C1QTNF3: variants seen among roughly 807,000 people sequenced by gnomAD.
The protein encoded by C1QTNF3 is C1q and TNF related 3.
A neutral mutation model predicts 32.6 loss-of-function variants in C1QTNF3; 26 were observed. That is an observed-to-expected ratio of 0.80 (90% CI 0.58 to 1.11). The LOEUF (loss-of-function observed/expected upper bound fraction) is 1.11, where lower values mean the gene tolerates loss of function less well. C1QTNF3 is among the 50% of genes least tolerant of loss of function. The pLI is 0.00. For synonymous variants in C1QTNF3, 155 were observed against 146.0 expected, an observed-to-expected ratio of 1.06 and a Z score of -0.44; for missense variants, 362 against 398.2, an observed-to-expected ratio of 0.91 and a Z score of 0.77.
chr5:34,196,062 C>G, the C1QTNF3 span, among the ~76,000 whole-genome samples: 2 of 152,118 alleles, frequency 1.3e-5, no homozygotes, highest in African/African-American at 4.8e-5. Context: ...GAAGCAGGCC[C>G]TCTTTAAGAA....
the C1QTNF3 span, among the ~76,000 whole-genome samples, chr5:34,096,305 CAT>C: frequency 1.3e-4 from 20 of 150,774 alleles, no homozygotes; most frequent in Non-Finnish European, 2.8e-4. Flanking sequence ...AATGACTTGT[CAT>C]AGTTCTAGAG....
the C1QTNF3 span, among the ~76,000 whole-genome samples, chr5:34,147,734 G>A: frequency 2.6e-5 from 4 of 152,118 alleles, no homozygotes; most frequent in Non-Finnish European, 5.9e-5. Flanking sequence ...CTACCTGGGT[G>A]ATGTGATGCA....
chr5:34,213,127 A>G, the C1QTNF3 span, among the ~76,000 whole-genome samples: 1 of 152,228 alleles, frequency 6.6e-6, no homozygotes, highest in African/African-American at 2.4e-5. Flanking sequence ...GAATGCATAA[A>G]TAATGAATGG....
chr5:34,170,479 G>A, the C1QTNF3 span, among the ~76,000 whole-genome samples: 17 of 152,144 alleles, frequency 1.1e-4, no homozygotes, highest in South Asian at 8.3e-4. Flanking sequence ...ATTTCGGGGC[G>A]TCTTGGATAT....
the C1QTNF3 span, among the ~76,000 whole-genome samples, chr5:34,069,492 T>C: frequency 1.3e-5 from 2 of 152,166 alleles, no homozygotes; most frequent in African/African-American, 4.8e-5. Context: ...ATTTGATGAA[T>C]AAACAAATTA....
chr5:34,116,795 C>T, the C1QTNF3 span, among the ~76,000 whole-genome samples: 13 of 152,158 alleles, frequency 8.5e-5, no homozygotes, highest in Admixed American at 3.9e-4. Context: ...GAGGTTTCAC[C>T]ATGTTGGCCG....
chr5:34,059,528 G>A, the C1QTNF3 span, among the ~76,000 whole-genome samples: 4 of 152,288 alleles, frequency 2.6e-5, no homozygotes, highest in African/African-American at 9.6e-5. Context: ...TCTATAGACA[G>A]CTGTCTTCTC....
the C1QTNF3 span, among the ~76,000 whole-genome samples, chr5:34,221,706 G>C: frequency 6.6e-6 from 1 of 152,020 alleles, no homozygotes; most frequent in Non-Finnish European, 1.5e-5. Flanking sequence ...AAAATAGTCT[G>C]AAGTCTAGTA....
chr5:34,052,308 A>G, the C1QTNF3 span, among the ~76,000 whole-genome samples: 1 of 152,208 alleles, frequency 6.6e-6, no homozygotes, highest in East Asian at 1.9e-4. Flanking sequence ...TCATCTTTGC[A>G]GTACTTTCCA....
At chr5:34,065,193 C>T in the C1QTNF3 span, among the ~76,000 whole-genome samples, 1 of 152,026 alleles carries the variant, frequency 6.6e-6, no homozygotes, top group Non-Finnish European at 1.5e-5. Flanking sequence ...GCAAATCAAC[C>T]AGCAAAAGAC....
At chr5:34,122,186 A>G in the C1QTNF3 span, among the ~76,000 whole-genome samples, 1 of 152,188 alleles carries the variant, frequency 6.6e-6, no homozygotes, top group Non-Finnish European at 1.5e-5. Flanking sequence ...AGGCTAAAAG[A>G]GTTTCAAAGT....
chr5:34,165,437 G>A, the C1QTNF3 span: 2 of 152,088 alleles, frequency 1.3e-5, no homozygotes, highest in South Asian at 2.1e-4. Context: ...AGAGAACCCA[G>A]CCTAATACAT....
At chr5:34,156,366 C>T in the C1QTNF3 span, among the ~76,000 whole-genome samples, 82 of 152,272 alleles carry the variant, frequency 5.4e-4, no homozygotes, top group South Asian at 1.0e-3. Flanking sequence ...CCACTACGCC[C>T]GGCTTCCAAA....
the C1QTNF3 span, among the ~76,000 whole-genome samples, chr5:34,205,236 G>C: frequency 1.3e-5 from 2 of 152,040 alleles, no homozygotes; most frequent in South Asian, 4.1e-4. Context: ...TTGTTGGAGT[G>C]GGGGTTTAGA....
chr5:34,235,146 T>G, the C1QTNF3 span, among the ~76,000 whole-genome samples: 2 of 152,134 alleles, frequency 1.3e-5, no homozygotes, highest in African/African-American at 4.8e-5. Context: ...CCCTGATTAG[T>G]TCTTTGCTTC....
chr5:34,173,210 G>A, the C1QTNF3 span, among the ~76,000 whole-genome samples: 78 of 152,068 alleles, frequency 5.1e-4, no homozygotes, highest in African/African-American at 1.7e-3. Flanking sequence ...TTAGATTTCC[G>A]CATGTATGAA....
At chr5:34,116,703 T>C in the C1QTNF3 span, among the ~76,000 whole-genome samples, 1 of 151,658 alleles carries the variant, frequency 6.6e-6, no homozygotes, top group Non-Finnish European at 1.5e-5. Context: ...GAAGCGATTC[T>C]CCTGCTTTAG....
the C1QTNF3 span, among the ~76,000 whole-genome samples, chr5:34,185,964 A>G: frequency 6.6e-6 from 1 of 152,402 alleles, no homozygotes; most frequent in African/African-American, 2.4e-5. Flanking sequence ...TGCAGCAACC[A>G]TATCCAGTTA....
chr5:34,134,528 T>A, the C1QTNF3 span, among the ~76,000 whole-genome samples: 2 of 152,172 alleles, frequency 1.3e-5, no homozygotes, highest in Non-Finnish European at 2.9e-5. Flanking sequence ...ATAAAAAATT[T>A]AAAATACTTA....
Sources: allele counts gnomAD v4.1 joint callset (sites outside exome capture counted in the v4.1 genomes callset), GRCh38; gene constraint gnomAD v4.1.1; transcripts MANE v1.5; gene names NCBI Gene and HGNC (gene_info 2026-07-23, HGNC 2026-07-21).